Variants in RPTOR observed in about 807,000 individuals in gnomAD.
RPTOR encodes the protein regulatory associated protein of MTOR complex 1.
RPTOR carries 21 observed loss-of-function variants against 169.9 expected under a neutral mutation model. The ratio of observed to expected loss-of-function variants is 0.12; its 90% CI spans 0.09 to 0.18. The LOEUF is 0.18. RPTOR is among the 10% of genes least tolerant of loss of function. RPTOR has a pLI of 1.00. For missense variants in RPTOR, 1,133 were observed against 1,855.9 expected (o/e 0.61, Z 7.16); for synonymous variants, 732 against 753.2 (o/e 0.97, Z 0.46).
At chr17:80,875,587 A>G (rs562260814) in intron 13 of RPTOR, among the ~76,000 whole-genome samples, 2 of 152,308 alleles carry the variant, frequency 1.3e-5, no homozygotes, top group South Asian at 4.1e-4. Context: ...AGCAAGATGG[A>G]GCCTGTTGAG....
At chr17:80,705,635 T>C (rs1024399411) in intron 3 of RPTOR, among the ~76,000 whole-genome samples, 1 of 152,230 alleles carries the variant, frequency 6.6e-6, no homozygotes, top group African/African-American at 2.4e-5. Flanking sequence ...CTCGTTTTCC[T>C]GTTGTTTTCC....
intron 11 of RPTOR, among the ~76,000 whole-genome samples, chr17:80,855,129 T>C (rs1056356934): frequency 6.6e-6 from 1 of 152,340 alleles, no homozygotes; most frequent in Admixed American, 6.5e-5. Flanking sequence ...TCAAGATCAG[T>C]AAGAGAAGTG....
chr17:80,950,602 T>C (rs1246642650), intron 28 of RPTOR, among the ~76,000 whole-genome samples: 1 of 152,168 alleles, frequency 6.6e-6, no homozygotes, highest in Non-Finnish European at 1.5e-5. Context: ...GCTTCTGTCC[T>C]GATCTCTGGG....
At chr17:80,559,671 G>C (rs1261856525) in intron 1 of RPTOR, among the ~76,000 whole-genome samples, 1 of 152,104 alleles carries the variant, frequency 6.6e-6, no homozygotes, top group African/African-American at 2.4e-5. Flanking sequence ...TGTGTAGAGA[G>C]AGCTCCAGTC....
At chr17:80,938,268 C>T (rs571490800) in intron 24 of RPTOR, among the ~76,000 whole-genome samples, 309 of 152,328 alleles carry the variant, frequency 2.0e-3, no homozygotes, top group African/African-American at 7.1e-3. Flanking sequence ...CCCATTTCTA[C>T]CCCCCACGTC....
chr17:80,808,302 G>A (rs1327113844), intron 7 of RPTOR, among the ~76,000 whole-genome samples: 1 of 152,122 alleles, frequency 6.6e-6, no homozygotes, highest in East Asian at 1.9e-4. Flanking sequence ...ACATGCCCCT[G>A]TAGTCCCAGC....
rs117898895 is a variant in RPTOR at position 80,891,580 on chromosome 17, G to C, written c.1984-140G>C. 3.3e-3 allele frequency: 2,187 copies of C among 669,086 alleles called. 9 individuals are homozygous for C. The highest frequency in any genetic ancestry group is 5.0e-3 in the Non-Finnish European group (1,873 of 375,324). The allele number at this position is 669,086 out of a possible 1,614,324, so 41.4% of individuals were successfully genotyped here. ...GCCTCTGCTCTGACGGTTCGAAAAGGGATGGTCCCTGTTTCTGATGCCAAT... is the reference window on the plus strand; with the variant it reads ...GCCTCTGCTCTGACGGTTCGAAAAGCGATGGTCCCTGTTTCTGATGCCAAT... On this transcript the variant is annotated intron_variant, in intron 17 of 33. Transcript: ENST00000306801.
rs1599536268 is a variant in RPTOR, at chr17:80,545,791, G to C, written c.162G>C (p.Arg54=). 6.2e-7 allele frequency: 1 copy of C among 1,601,676 alleles called. No individual in the cohort carries two copies. The highest frequency in any genetic ancestry group is 2.3e-5 in the East Asian group (1 of 44,104). The part of the protein sequence containing the change: ...SLAQSWRMKD[R]MKTVSVALVL... ...CTCAGAGCTGGAGGATGAAGGATCG[G>C]GTAAGTGGATTCTGAAGGCACCCCT... Residue 54 remains arginine (R), a splice_region_variant and synonymous_variant, in exon 1 of 34, where the codon CGG becomes CGC. Transcript: ENST00000306801.
chr17:80,884,385 C>T (rs1450775632), intron 16 of RPTOR, among the ~76,000 whole-genome samples: 5 of 152,218 alleles, frequency 3.3e-5, no homozygotes, highest in African/African-American at 9.6e-5. Flanking sequence ...ACAGAGTGGC[C>T]GCGGGCTGGA....
In RPTOR at chr17:80,823,073, C is replaced by G. The variant is rs945558859; in HGVS notation, c.992-6C>G. 1.1e-5 allele frequency: 18 copies of G among 1,613,754 alleles called. No homozygotes were observed. Among genetic ancestry groups the G allele is most frequent in the Non-Finnish European group, 1.4e-5 (17 of 1,179,898 alleles). ...AGACTCCTTTTTATCTTTTATCTGC[C>G]CTCAGATCTCTTCCAAAAGCTCTTC... On this transcript the variant is annotated splice_polypyrimidine_tract_variant and splice_region_variant and intron_variant, in intron 8 of 33. Transcript: ENST00000306801. This position sits in a 1 kb window ranked among gnomAD's most constrained non-coding sequence, Gnocchi z 4.5.
Position 80,890,601 on chromosome 17 carries a change from A to G in RPTOR, c.1984-1119A>G, listed in dbSNP as rs553097247. On this transcript the variant is annotated intron_variant, in intron 17 of 33. Transcript: ENST00000306801. The stretch of plus-strand genomic sequence containing the variant: ...TGAGCAGTGAGAGACTTGCAGTTCC[A>G]TCGGCGCAAATCAAGAGGGCGCTGC... Among the ~76,000 whole-genome samples the G allele has an allele frequency of 1.1e-4, 17 of 152,336 alleles. 1 individual carries two copies. In the South Asian group the frequency reaches 3.5e-3, roughly 32 times the overall value.
chr17:80,587,984 C>T (rs563984753), intron 1 of RPTOR, among the ~76,000 whole-genome samples: 1 of 152,168 alleles, frequency 6.6e-6, no homozygotes, highest in South Asian at 2.1e-4. Context: ...CTGTGAGTTT[C>T]GTTTTTTTAG....
intron 3 of RPTOR, among the ~76,000 whole-genome samples, chr17:80,701,342 G>A (rs1436610105): frequency 1.3e-5 from 2 of 152,172 alleles, no homozygotes; most frequent in African/African-American, 4.8e-5. Context: ...CATATCAACC[G>A]AAAGGTAGCA....
chr17:80,775,081 A>G (rs1026437325), intron 6 of RPTOR, among the ~76,000 whole-genome samples: 4 of 152,162 alleles, frequency 2.6e-5, no homozygotes, highest in Non-Finnish European at 5.9e-5. Flanking sequence ...CCGCCCCACA[A>G]GCCTGGCCCG....
At chr17:80,753,449 A>G (rs2066648608) in intron 5 of RPTOR, among the ~76,000 whole-genome samples, 1 of 151,956 alleles carries the variant, frequency 6.6e-6, no homozygotes, top group South Asian at 2.1e-4. Context: ...CCTGGCTAAC[A>G]CGGTGAAACC....
intron 3 of RPTOR, among the ~76,000 whole-genome samples, chr17:80,701,525 T>C (rs2066100890): frequency 6.6e-6 from 1 of 152,094 alleles, no homozygotes. Flanking sequence ...TACCAACATT[T>C]CCCTGGAAAT....
intron 1 of RPTOR, 82 bp from the exon 2 acceptor site, chr17:80,625,609 G>A (rs1186219097): frequency 9.1e-7 from 1 of 1,095,486 alleles, no homozygotes; most frequent in Non-Finnish European, 1.4e-6. Context: ...CAATGTTCTG[G>A]GGGACATTTT....
At chr17:80,637,213 G>A (rs2065514690) in intron 2 of RPTOR, among the ~76,000 whole-genome samples, 1 of 152,250 alleles carries the variant, frequency 6.6e-6, no homozygotes, top group South Asian at 2.1e-4. Context: ...CCAGAGATGA[G>A]GGAGAGCAGA....
At chr17:80,876,896 T>C (rs78452412) in intron 13 of RPTOR, among the ~76,000 whole-genome samples, 47 of 85,392 alleles carry the variant, frequency 5.5e-4, no homozygotes, top group African/African-American at 1.8e-3. Context: ...GCCTGTGCCA[T>C]GCAGGGTGTG....
Sources: allele counts gnomAD v4.1 joint callset (sites outside exome capture counted in the v4.1 genomes callset), GRCh38; gene constraint gnomAD v4.1.1; non-coding constraint Gnocchi (gnomAD v3.1); transcripts MANE v1.5; gene names NCBI Gene and HGNC (gene_info 2026-07-23, HGNC 2026-07-21).